VPS13C: variants seen among roughly 807,000 people sequenced by gnomAD.
VPS13C encodes vacuolar protein sorting 13 homolog C, also known as intermembrane lipid transfer protein VPS13C.
In VPS13C, 358 loss-of-function variants were observed where a neutral mutation model predicts 456.8. That is an observed-to-expected ratio of 0.78 (90% CI 0.72 to 0.86). VPS13C has a LOEUF of 0.86. Ranked by LOEUF, VPS13C falls within the 40% of genes least tolerant of loss-of-function variation. The pLI, the probability that VPS13C is intolerant of heterozygous loss-of-function variation, is 0.00. For synonymous variants in VPS13C, 1,578 were observed against 1,486.7 expected (o/e 1.06, Z -1.41); for missense variants, 4,818 against 4,385.4 (o/e 1.10, Z -2.79).
chr15:61,918,087 AT>A (rs1334372424), intron 59 of VPS13C, 48 bp downstream of exon 59: 2 of 1,517,548 alleles, frequency 1.3e-6, no homozygotes, highest in African/African-American at 2.9e-5. Flanking sequence ...CAGAATATAA[AT>A]CCCCAACTCA....
At chr15:61,999,952 T>C (rs193238580) in intron 16 of VPS13C, among the ~76,000 whole-genome samples, 149 of 148,574 alleles carry the variant, frequency 1.0e-3, no homozygotes, top group African/African-American at 3.0e-3. Context: ...CGCAGGTATA[T>C]AAGCATGGGA....
intron 74 of VPS13C, among the ~76,000 whole-genome samples, chr15:61,878,393 A>AT (rs137917824): frequency 0.019 from 2,869 of 151,962 alleles, 59 homozygotes; most frequent in East Asian, 0.069. Context: ...GATATGAGTA[A>AT]TCAAAAAAAA....
At chr15:61,896,311 G>A (rs868013863) in intron 66 of VPS13C, among the ~76,000 whole-genome samples, 2 of 152,194 alleles carry the variant, frequency 1.3e-5, no homozygotes, top group South Asian at 4.1e-4. Flanking sequence ...ACAGAAGACG[G>A]GTGATTTCTG....
intron 2 of VPS13C, 30 bp from the exon 3 acceptor site, chr15:62,041,396 A>G (rs775051764): frequency 6.3e-7 from 1 of 1,583,112 alleles, no homozygotes; most frequent in Admixed American, 2.0e-5. Flanking sequence ...TGTAAAGGAC[A>G]TCTTAAATTA....
In VPS13C at chr15:61,884,267, G is replaced by A. The variant is rs752068106; in HGVS notation, c.9344C>T (p.Ser3115Phe). ...QEVSYIGITS[S>F]GVVWEVKPKQ... is the part of the protein sequence containing the mutation. ...TGGTTTCACCTCCCAAACAACACCAGAACTAAATAATTCACACAAAAAAAT... is the reference window on the plus strand; with the variant it reads ...TGGTTTCACCTCCCAAACAACACCAAAACTAAATAATTCACACAAAAAAAT... Residue 3115 changes from serine to phenylalanine, a missense_variant and splice_region_variant, in exon 68 of 85, where the codon TCT (serine) becomes TTT (phenylalanine). By Grantham distance (155) the Ser-to-Phe change is radical (BLOSUM62 -2). This residue lies in a region of VPS13C where 4,552 missense variants were observed against 4,130.6 expected (regional missense o/e 1.10). Coordinates refer to ENST00000644861, the MANE Select transcript of VPS13C (RefSeq NM_020821.3). 1 of 1,608,434 alleles carries A rather than the reference G, an allele frequency of 6.2e-7. No individual in the cohort carries two copies. Among genetic ancestry groups the A allele is most frequent in the Non-Finnish European group, 8.5e-7 (1 of 1,178,404 alleles).
At chr15:62,058,375 G>A (rs928306077) in intron 1 of VPS13C, among the ~76,000 whole-genome samples, 5 of 152,060 alleles carry the variant, frequency 3.3e-5, no homozygotes, top group African/African-American at 4.8e-5. Context: ...TATTGAGTGT[G>A]GTGGGGGGAT....
At position 61,931,582 on chromosome 15, in the gene VPS13C, T is replaced by G. The variant is rs542794745; in HGVS notation, c.5869-323A>C. Among the ~76,000 whole-genome samples the G allele has an allele frequency of 2.8e-4, 42 of 149,770 alleles. 3 individuals are homozygous for G. The East Asian group carries it at 8.2e-3, about 29-fold the overall frequency. On this transcript the variant is annotated intron_variant, in intron 49 of 84. Transcript: ENST00000644861. ...TAATCTAACTAATAAATTTTTTCTT[T>G]TTTTTTTTTTTTTGAGATGGAGTTT...
intron 9 of VPS13C, among the ~76,000 whole-genome samples, chr15:62,020,139 A>G (rs969291945): frequency 6.6e-6 from 1 of 151,786 alleles, no homozygotes; most frequent in Non-Finnish European, 1.5e-5. Flanking sequence ...TCTATAAGCT[A>G]TTTAGAAATT....
rs548639790 is a variant in VPS13C, at chr15:61,895,639, C to T, written c.9106-5239G>A. On this transcript the variant is annotated intron_variant, in intron 66 of 84. Coordinates refer to ENST00000644861, the MANE Select transcript of VPS13C (RefSeq NM_020821.3). ...CTGGACACAAACAGTCTGCTAATAA[C>T]GAACCCTGGAAGAAACAGAAAACCT... Among the ~76,000 whole-genome samples, 34 of 151,998 alleles carry T rather than the reference C, an allele frequency of 2.2e-4. No individual in the cohort carries two copies. The East Asian group carries it at 5.8e-3, about 26-fold the overall frequency.
At chr15:62,021,678 A>G (rs1258293875) in intron 8 of VPS13C, among the ~76,000 whole-genome samples, 1 of 151,970 alleles carries the variant, frequency 6.6e-6, no homozygotes, top group Non-Finnish European at 1.5e-5. Context: ...AAAAAAATCC[A>G]TGTGGTACAG....
intron 66 of VPS13C, among the ~76,000 whole-genome samples, chr15:61,903,336 CA>C (rs916945848): frequency 5.1e-4 from 68 of 133,428 alleles, no homozygotes; most frequent in South Asian, 2.2e-3. Flanking sequence ...ACCCTGTCTC[CA>C]AAAAAAAAAA....
At chr15:61,868,896 A>C in intron 80 of VPS13C, 123 bp from the exon 81 acceptor site, 1 of 791,774 alleles carries the variant, frequency 1.3e-6, no homozygotes, top group Non-Finnish European at 2.0e-6. Flanking sequence ...AGCTTTCCCC[A>C]AATAATGCAA....
rs373609498 is a variant in VPS13C at position 62,060,384 on chromosome 15, G to T, written c.-10C>A. On this transcript the variant is annotated 5_prime_UTR_variant, in exon 1 of 85. Coordinates refer to ENST00000644861, the MANE Select transcript of VPS13C (RefSeq NM_020821.3). Reference sequence around the variant, plus strand: ...CCGACTCCAGCACCATGGTGGCGCTGAGGCACAAGGAGAGGGAGGAGCCGG... The same window carrying T: ...CCGACTCCAGCACCATGGTGGCGCTTAGGCACAAGGAGAGGGAGGAGCCGG... The T allele has an allele frequency of 2.0e-6, 3 of 1,510,486 alleles. No individual in the cohort carries two copies. Among genetic ancestry groups the T allele is most frequent in the Non-Finnish European group, 2.7e-6 (3 of 1,104,738 alleles). The allele number at this position is 1,510,486 out of a possible 1,614,324, so 93.6% of individuals were successfully genotyped here. A position where few individuals can be genotyped will look rare whatever the true frequency, so the allele number is the denominator to read the frequency against.
chr15:61,970,137 C>T (rs1415871504), intron 27 of VPS13C, among the ~76,000 whole-genome samples: 1 of 152,164 alleles, frequency 6.6e-6, no homozygotes, highest in East Asian at 1.9e-4. Context: ...ACGGCTTTTA[C>T]CATGCTGAGA....
chr15:61,938,391 C>G (rs913218424), intron 47 of VPS13C, among the ~76,000 whole-genome samples: 5 of 152,122 alleles, frequency 3.3e-5, no homozygotes, highest in Non-Finnish European at 5.9e-5. Flanking sequence ...CCTTTTTTAG[C>G]TGCAGCCCAG....
Position 61,854,232 on chromosome 15 carries a change from C to G in VPS13C, c.*225G>C, listed in dbSNP as rs1449855035. 1 of 565,542 alleles carries G rather than the reference C, an allele frequency of 1.8e-6. No individual in the cohort carries two copies. Among genetic ancestry groups the G allele is most frequent in the African/African-American group, 1.9e-5 (1 of 53,234 alleles). The allele number at this position is 565,542 out of a possible 1,614,324, so 35.0% of individuals were successfully genotyped here. ...AGTGACGTTTCTTCAAGGGTCTGAC[C>G]CATTTGGGTGGTGGCGTAGAAGTGG... On this transcript the variant is annotated 3_prime_UTR_variant, in exon 85 of 85. Transcript: ENST00000644861.
In VPS13C at chr15:61,914,878, T is replaced by TAAAAAAAAAAAAAAAAAAA. The variant is rs60910951; in HGVS notation, c.8445+736_8445+754dup. On this transcript the variant is annotated intron_variant, in intron 61 of 84. Transcript: ENST00000644861. ...ACCGAGCCTGGCCAAAACTCTGCCT[T>TAAAAAAAAAAAAAAAAAAA]AAAAAAAAAAAAAAAAAAAAAAAAA... 4.0e-4 allele frequency among the ~76,000 whole-genome samples: 41 copies of TAAAAAAAAAAAAAAAAAAA among 102,050 alleles called. 4 individuals carry two copies. Among genetic ancestry groups the TAAAAAAAAAAAAAAAAAAA allele is most frequent in the Non-Finnish European group, 6.0e-4 (31 of 51,264 alleles). The allele number at this position is 102,050 out of a possible 152,430, so 66.9% of individuals were successfully genotyped here. A position where few individuals can be genotyped will look rare whatever the true frequency, so the allele number is the denominator to read the frequency against.
chr15:61,952,723 CTGAT>C lies in VPS13C; in HGVS notation c.4300-747_4300-744del, dbSNP rs143376510. ...AAAAGTTTGTTTGTTTGTTTATTGACTGATTGATTGTTAGAGACAGGGTCTTGCT... is the reference window on the plus strand; with the variant it reads ...AAAAGTTTGTTTGTTTGTTTATTGACTGATTGTTAGAGACAGGGTCTTGCT... On this transcript the variant is annotated intron_variant, in intron 38 of 84. Transcript: ENST00000644861. Among the ~76,000 whole-genome samples, 1,473 of 151,998 alleles carry C rather than the reference CTGAT, an allele frequency of 9.7e-3. 28 individuals carry two copies. Among genetic ancestry groups the C allele is most frequent in the African/African-American group, 0.034 (1,409 of 41,458 alleles).
intron 82 of VPS13C, chr15:61,856,736 G>T: frequency 5.1e-6 from 1 of 194,564 alleles, no homozygotes; most frequent in Non-Finnish European, 9.4e-6. Context: ...AGCTGATAGG[G>T]AAATCATCTT....
Sources: gnomAD v4.1 joint callset for allele counts (sites outside exome capture counted in the v4.1 genomes callset) on GRCh38, gnomAD v4.1.1 for gene constraint, gnomAD v4.1.1 regional missense constraint, MANE v1.5 for transcripts, NCBI Gene and HGNC (gene_info 2026-07-23, HGNC 2026-07-21) for gene names.